COMMD10: variants seen among roughly 807,000 people sequenced by gnomAD.
COMMD10 encodes COMM domain-containing protein 10.
Under a neutral mutation model 28.9 loss-of-function variants are expected in COMMD10, and 33 were observed. That is an observed-to-expected ratio of 1.14 (90% confidence interval 0.87 to 1.53). The LOEUF (loss-of-function observed/expected upper bound fraction) is 1.53, where lower values mean the gene tolerates loss of function less well. Ranked by LOEUF, COMMD10 falls within the 40% of genes most tolerant of loss-of-function variation. The probability of loss-of-function intolerance (pLI) is 0.00; values close to 1 mark genes in which losing one functional copy is unlikely to be tolerated. For missense variants in COMMD10, 310 were observed against 233.4 expected (o/e 1.33, Z -2.14); for synonymous variants, 110 against 81.7 (o/e 1.35, Z -1.87).
At chr5:116,143,069 G>GTTTTTTTTT (rs375227609) in intron 5 of COMMD10, among the ~76,000 whole-genome samples, 10 of 130,966 alleles carry the variant, frequency 7.6e-5, no homozygotes, top group East Asian at 2.2e-4. Flanking sequence ...TGTGTTTTTG[G>GTTTTTTTTT]TTTTTTTTTT....
At chr5:116,199,973 T>C (rs369846624) in intron 5 of COMMD10, among the ~76,000 whole-genome samples, 2 of 152,220 alleles carry the variant, frequency 1.3e-5, no homozygotes, top group African/African-American at 4.8e-5. Context: ...TCTACTCTTT[T>C]TGTATTTTCA....
chr5:116,132,017 T>C (rs1751878380), intron 4 of COMMD10, among the ~76,000 whole-genome samples: 1 of 151,950 alleles, frequency 6.6e-6, no homozygotes, highest in South Asian at 2.1e-4. Context: ...ATTTTGTAGG[T>C]AGTAAGGAGC....
chr5:116,253,054 T>A (rs1750166112), intron 5 of COMMD10, among the ~76,000 whole-genome samples: 1 of 75,456 alleles, frequency 1.3e-5, no homozygotes, highest in African/African-American at 3.4e-5. Flanking sequence ...TTTATTCTCT[T>A]TGAAGCAATT....
chr5:116,138,662 G>T (rs1294541933), intron 5 of COMMD10, among the ~76,000 whole-genome samples: 2 of 151,512 alleles, frequency 1.3e-5, no homozygotes, highest in African/African-American at 2.4e-5. Flanking sequence ...AAATCACCCT[G>T]ACAGTAGAAT....
rs995670015 is a variant in COMMD10 at position 116,271,036 on chromosome 5, T to C, written c.511-20481T>C. Among the ~76,000 whole-genome samples, 7 of 151,412 alleles carry C rather than the reference T, an allele frequency of 4.6e-5. No homozygotes were observed. In the South Asian group the frequency reaches 1.2e-3, roughly 27 times the overall value. ...ATAAATTGGGGCAGGAAATCACAGG[T>C]TTGGTGGGTGGCCCAAAATTTCTCC... On this transcript the variant is annotated intron_variant, in intron 5 of 6. Transcript: ENST00000274458.
intron 5 of COMMD10, among the ~76,000 whole-genome samples, chr5:116,203,954 TAA>T (rs1397718857): frequency 1.1e-4 from 17 of 152,194 alleles, no homozygotes; most frequent in African/African-American, 3.9e-4. Flanking sequence ...GCAAATTGGA[TAA>T]AGAGTCAAGA....
rs143198460 is a variant in COMMD10, at chr5:116,212,489, T to C, written c.510+78311T>C. 2.5e-3 allele frequency among the ~76,000 whole-genome samples: 381 copies of C among 150,922 alleles called. 3 individuals are homozygous for C. The highest frequency in any genetic ancestry group is 4.4e-3 in the Non-Finnish European group (298 of 67,668). Reference sequence around the variant, plus strand: ...ATGAGGTTCCAGTGACAGAAGGTACTGAAATGCTGTGTGTGTGTGTGTGTG... The same window carrying C: ...ATGAGGTTCCAGTGACAGAAGGTACCGAAATGCTGTGTGTGTGTGTGTGTG... On this transcript the variant is annotated intron_variant, in intron 5 of 6. Transcript: ENST00000274458.
chr5:116,188,909 C>T (rs1233921916), intron 5 of COMMD10, among the ~76,000 whole-genome samples: 4 of 152,188 alleles, frequency 2.6e-5, no homozygotes, highest in African/African-American at 4.8e-5. Flanking sequence ...GGATTATAGG[C>T]GTAAGCCACT....
intron 5 of COMMD10, among the ~76,000 whole-genome samples, chr5:116,220,953 GCTT>G (rs1388050607): frequency 2.0e-5 from 3 of 152,054 alleles, no homozygotes; most frequent in East Asian, 1.9e-4. Context: ...TCTCTGGTCT[GCTT>G]CTTCATAGTT....
intron 4 of COMMD10, among the ~76,000 whole-genome samples, chr5:116,094,609 TGGA>T (rs1264733559): frequency 6.6e-6 from 1 of 152,228 alleles, no homozygotes. Context: ...AAAAGCAGTG[TGGA>T]GATTTCTCAA....
At chr5:116,279,528 CATA>C (rs1399348643) in intron 5 of COMMD10, among the ~76,000 whole-genome samples, 6 of 151,808 alleles carry the variant, frequency 4.0e-5, no homozygotes, top group African/African-American at 1.2e-4. Flanking sequence ...TGCTGGACTG[CATA>C]ATATTTTAAT....
At chr5:116,206,614 T>C (rs1215375506) in intron 5 of COMMD10, among the ~76,000 whole-genome samples, 1 of 151,954 alleles carries the variant, frequency 6.6e-6, no homozygotes, top group Non-Finnish European at 1.5e-5. Flanking sequence ...ATAGTGCCAT[T>C]GTACTCCAGC....
At chr5:116,195,209 TACTG>T (rs1206708114) in intron 5 of COMMD10, among the ~76,000 whole-genome samples, 2 of 152,042 alleles carry the variant, frequency 1.3e-5, no homozygotes, top group African/African-American at 2.4e-5. Context: ...GCCAACATAA[TACTG>T]AATGAGGAAA....
At chr5:116,132,398 G>A (rs962636963) in intron 4 of COMMD10, among the ~76,000 whole-genome samples, 11 of 152,124 alleles carry the variant, frequency 7.2e-5, no homozygotes, top group African/African-American at 2.4e-4. Context: ...GATAGTTTAA[G>A]CATGAACCAA....
chr5:116,184,681 G>T (rs1032491737), intron 5 of COMMD10, among the ~76,000 whole-genome samples: 6 of 152,104 alleles, frequency 3.9e-5, no homozygotes, highest in Admixed American at 1.3e-4. Flanking sequence ...CTGTTAGAAT[G>T]CCTATGTTAT....
At position 116,202,816 on chromosome 5, in the gene COMMD10, T is replaced by A. The variant is rs565793855; in HGVS notation, c.510+68638T>A. Among the ~76,000 whole-genome samples the A allele has an allele frequency of 7.8e-3, 1,190 of 151,870 alleles. 16 individuals carry two copies. Among genetic ancestry groups the A allele is most frequent in the African/African-American group, 0.027 (1,099 of 41,298 alleles). ...TTGTCAGATGAGTAGGTTGCGAAAA[T>A]TTTCTCCCATTCTGTAGGTTTCCTG... On this transcript the variant is annotated intron_variant, in intron 5 of 6. Transcript: ENST00000274458.
chr5:116,220,054 T>C (rs1749206301), intron 5 of COMMD10, among the ~76,000 whole-genome samples: 1 of 150,724 alleles, frequency 6.6e-6, no homozygotes, highest in Admixed American at 6.7e-5. Context: ...GCCCAGGTTA[T>C]TCTAACCTTG....
At chr5:116,259,873 A>G (rs145373660) in intron 5 of COMMD10, among the ~76,000 whole-genome samples, 5 of 151,786 alleles carry the variant, frequency 3.3e-5, no homozygotes, top group African/African-American at 9.7e-5. Flanking sequence ...TTTATTGACC[A>G]TGAGCTTTGA....
intron 5 of COMMD10, among the ~76,000 whole-genome samples, chr5:116,152,268 T>C (rs1001554804): frequency 1.3e-5 from 2 of 152,150 alleles, no homozygotes; most frequent in Non-Finnish European, 2.9e-5. Context: ...AGGAGAGCTT[T>C]ACTTAAATGA....
Sources: allele counts gnomAD v4.1 joint callset (sites outside exome capture counted in the v4.1 genomes callset), GRCh38; gene constraint gnomAD v4.1.1; transcripts MANE v1.5; gene names NCBI Gene and HGNC (gene_info 2026-07-23, HGNC 2026-07-21).